TIMM17A: variants seen among roughly 807,000 people sequenced by gnomAD.
TIMM17A encodes the protein translocase of inner mitochondrial membrane 17A, also known as mitochondrial import inner membrane translocase subunit Tim17-A.
TIMM17A carries 15 observed loss-of-function variants against 26.5 expected under a neutral mutation model. The observed-to-expected ratio is 0.57, with a 90% confidence interval of 0.38 to 0.87. The LOEUF (loss-of-function observed/expected upper bound fraction) is 0.87, where lower values mean the gene tolerates loss of function less well. Ranked by LOEUF, TIMM17A falls within the 40% of genes least tolerant of loss-of-function variation. TIMM17A has a pLI of 0.00. For missense variants in TIMM17A, 201 were observed against 210.0 expected (o/e 0.96, Z 0.27); for synonymous variants, 80 against 70.8 (o/e 1.13, Z -0.66).
intron 3 of TIMM17A, among the ~76,000 whole-genome samples, chr1:201,960,992 C>T (rs945308139): frequency 1.3e-5 from 2 of 151,962 alleles, no homozygotes; most frequent in South Asian, 2.1e-4. Flanking sequence ...TCAGGTGATC[C>T]GCCTACCTCA....
chr1:201,955,954 G>A (rs559022037), intron 1 of TIMM17A, among the ~76,000 whole-genome samples: 1 of 152,358 alleles, frequency 6.6e-6, no homozygotes, highest in East Asian at 1.9e-4. Context: ...TTGAGGAACT[G>A]AAGAATAGGC....
At chr1:201,959,271 G>A (rs7554085) in intron 3 of TIMM17A, among the ~76,000 whole-genome samples, 31,886 of 151,792 alleles carry the variant, frequency 0.21, 3,396 homozygotes, top group East Asian at 0.25. Flanking sequence ...CAGGAGAATC[G>A]CTTGAACCCA....
Position 201,965,425 on chromosome 1 carries a change from GT to G in TIMM17A, c.320-7del, listed in dbSNP as rs757639911. 18 of 1,573,716 alleles carry G rather than the reference GT, an allele frequency of 1.1e-5. No homozygotes were observed. In the Middle Eastern group the frequency reaches 6.7e-4, roughly 58 times the overall value. On this transcript the variant is annotated splice_polypyrimidine_tract_variant and splice_region_variant and intron_variant, in intron 4 of 5. Transcript: ENST00000367287. The stretch of plus-strand genomic sequence containing the variant: ...AAAAAATAATCTCTTTGTTATTAAT[GT>G]CTTCAGATGGACCAGTGGCCATGGT...
intron 1 of TIMM17A, 98 bp from the exon 2 acceptor site, chr1:201,957,183 A>G: frequency 5.4e-6 from 4 of 737,256 alleles, no homozygotes; most frequent in East Asian, 2.5e-5. Context: ...TGGGCCCTGC[A>G]GTATAATCTG....
intron 5 of TIMM17A, among the ~76,000 whole-genome samples, chr1:201,966,519 T>TA: frequency 6.6e-6 from 1 of 151,238 alleles, no homozygotes; most frequent in Admixed American, 6.6e-5. Flanking sequence ...TAAATGAAAA[T>TA]ATCCCTTGAC....
rs1682716984 is a variant in TIMM17A, at chr1:201,970,474, A to T, written c.*920A>T. 1 of 152,202 alleles carries T rather than the reference A, an allele frequency of 6.6e-6. No individual in the cohort carries two copies. The highest frequency in any genetic ancestry group is 6.5e-5 in the Admixed American group (1 of 15,270). The allele number at this position is 152,202 out of a possible 1,614,324, so 9.4% of individuals were successfully genotyped here. ...GACATGTGGCCCTATAGGAGGCATG[A>T]TGTTAGTTAATTACACATTTGCCTA... On this transcript the variant is annotated 3_prime_UTR_variant, in exon 6 of 6. Transcript: ENST00000367287.
chr1:201,959,465 C>G (rs1342033248), intron 3 of TIMM17A, among the ~76,000 whole-genome samples: 2 of 151,646 alleles, frequency 1.3e-5, no homozygotes, highest in Non-Finnish European at 2.9e-5. Flanking sequence ...ACCAGCCTGG[C>G]CAACGTGGTG....
intron 1 of TIMM17A, 75 bp downstream of exon 1, chr1:201,955,627 C>G: frequency 6.3e-7 from 1 of 1,598,942 alleles, no homozygotes; most frequent in Non-Finnish European, 8.6e-7. Context: ...TCCAGGCTCC[C>G]AAGGTGCAAG....
intron 3 of TIMM17A, among the ~76,000 whole-genome samples, chr1:201,961,598 T>TC (rs1169548229): frequency 6.6e-6 from 1 of 152,028 alleles, no homozygotes; most frequent in Non-Finnish European, 1.5e-5. Context: ...ACACCTGTAA[T>TC]CCCAGCACTT....
At chr1:201,956,475 A>G (rs1236386577) in intron 1 of TIMM17A, among the ~76,000 whole-genome samples, 1 of 152,170 alleles carries the variant, frequency 6.6e-6, no homozygotes, top group Non-Finnish European at 1.5e-5. Flanking sequence ...CCCCTCTCCC[A>G]TAAATGGCAT....
rs112196701 is a variant in TIMM17A at position 201,966,430 on chromosome 1, A to G, written c.430+887A>G. 4.5e-3 allele frequency among the ~76,000 whole-genome samples: 685 copies of G among 152,270 alleles called. 8 individuals are homozygous for G. The highest frequency in any genetic ancestry group is 0.016 in the African/African-American group (654 of 41,536). On this transcript the variant is annotated intron_variant, in intron 5 of 5. Transcript: ENST00000367287. ...TGTAGTTCCAGCTACTCAGGAGGCCACTCACTTGACCCCAGGAGTTCAAGG... is the reference window on the plus strand; with the variant it reads ...TGTAGTTCCAGCTACTCAGGAGGCCGCTCACTTGACCCCAGGAGTTCAAGG...
chr1:201,959,380 G>T (rs541097602), intron 3 of TIMM17A, among the ~76,000 whole-genome samples: 8 of 152,174 alleles, frequency 5.3e-5, no homozygotes, highest in African/African-American at 1.9e-4. Context: ...AAAGGGCTGG[G>T]CACAGTGGCT....
intron 5 of TIMM17A, among the ~76,000 whole-genome samples, chr1:201,968,382 G>T (rs557504223): frequency 2.6e-5 from 4 of 151,212 alleles, no homozygotes; most frequent in Non-Finnish European, 4.4e-5. Context: ...TTTTTTTGGG[G>T]TTTTTTTGTT....
chr1:201,962,890 CAATGACATAT>C (rs1368810723), intron 3 of TIMM17A: 6 of 152,022 alleles, frequency 3.9e-5, no homozygotes, highest in African/African-American at 1.5e-4. Flanking sequence ...AGTAGATGCT[CAATGACATAT>C]AATGCAGAAA....
Position 201,965,484 on chromosome 1 carries a change from C to T in TIMM17A, c.371C>T (p.Ala124Val). 3 of 1,614,170 alleles carry T rather than the reference C, an allele frequency of 1.9e-6. No individual in the cohort carries two copies. Among genetic ancestry groups the T allele is most frequent in the African/African-American group, 2.7e-5 (2 of 75,062 alleles). Residue 124 changes from alanine (A) to valine (V), a missense_variant, in exon 5 of 6, where the codon GCT becomes GTT. By Grantham distance (64) the Ala-to-Val change is moderately conservative. Transcript: ENST00000367287. The part of the protein sequence containing the change: ...GSAAMGGILL[A>V]LIEGAGILLT... ...GCCGCAATGGGTGGCATTCTCCTAG[C>T]TTTAATTGAAGGAGCTGGTATCTTG...
intron 5 of TIMM17A, among the ~76,000 whole-genome samples, chr1:201,966,450 T>C (rs971078588): frequency 6.6e-6 from 1 of 152,078 alleles, no homozygotes; most frequent in African/African-American, 2.4e-5. Context: ...CCCCAGGAGT[T>C]CAAGGCCAGC....
At chr1:201,956,761 G>C (rs1177749191) in intron 1 of TIMM17A, among the ~76,000 whole-genome samples, 3 of 151,900 alleles carry the variant, frequency 2.0e-5, no homozygotes, top group Non-Finnish European at 1.5e-5. Context: ...TTCAAGACCA[G>C]CCTGGCCAGT....
intron 3 of TIMM17A, 190 bp from the exon 4 acceptor site, chr1:201,963,426 A>G: frequency 1.7e-6 from 1 of 587,322 alleles, no homozygotes; most frequent in African/African-American, 1.9e-5. Flanking sequence ...AGCTGATATA[A>G]TACAATCCAG....
At chr1:201,961,191 A>T (rs373597516) in intron 3 of TIMM17A, among the ~76,000 whole-genome samples, 10 of 149,404 alleles carry the variant, frequency 6.7e-5, no homozygotes, top group African/African-American at 2.5e-4. Context: ...TCAGCCTCCC[A>T]AGTAGCTGGG....
Sources: allele counts gnomAD v4.1 joint callset (sites outside exome capture counted in the v4.1 genomes callset), GRCh38; gene constraint gnomAD v4.1.1; transcripts MANE v1.5; gene names NCBI Gene and HGNC (gene_info 2026-07-23, HGNC 2026-07-21).